Variants in PRUNE1 observed in about 807,000 individuals in gnomAD.
The protein encoded by PRUNE1 is exopolyphosphatase PRUNE1.
In PRUNE1, 25 loss-of-function variants were observed where a neutral mutation model predicts 42.5. The observed-to-expected ratio is 0.59, with a 90% CI of 0.43 to 0.82. PRUNE1 has a LOEUF of 0.82. Ranked by LOEUF, PRUNE1 falls within the 40% of genes least tolerant of loss-of-function variation. The pLI is 0.00. For synonymous variants in PRUNE1, 203 were observed against 217.1 expected (o/e 0.93, Z 0.57); for missense variants, 443 against 539.3 (o/e 0.82, Z 1.77).
intron 7 of PRUNE1, among the ~76,000 whole-genome samples, chr1:151,031,616 C>G (rs750818817): frequency 5.3e-5 from 8 of 152,164 alleles, no homozygotes; most frequent in Non-Finnish European, 8.8e-5. Context: ...TTGCTTCATG[C>G]AAATTATGAC....
At chr1:151,014,562 A>G (rs587604111) in intron 1 of PRUNE1, among the ~76,000 whole-genome samples, 1 of 152,362 alleles carries the variant, frequency 6.6e-6, no homozygotes, top group African/African-American at 2.4e-5. Context: ...TGTATAGGGA[A>G]GATGATTCTA....
chr1:151,015,943 A>C (rs977297928), intron 1 of PRUNE1, among the ~76,000 whole-genome samples: 1 of 152,118 alleles, frequency 6.6e-6, no homozygotes, highest in Non-Finnish European at 1.5e-5. Flanking sequence ...GCTGAGATAG[A>C]AGTTCAAAAG....
chr1:151,028,879 A>G lies in PRUNE1; in HGVS notation c.868A>G (p.Asn290Asp). The G allele has an allele frequency of 6.2e-7, 1 of 1,613,804 alleles. No individual in the cohort carries two copies. Among genetic ancestry groups the G allele is most frequent in the Non-Finnish European group, 8.5e-7 (1 of 1,179,834 alleles). Residue 290 changes from asparagine to aspartate, a missense_variant, in exon 7 of 8, where the codon AAC becomes GAC. Transcript: ENST00000271620. ...DVLVAMTIFFNTHNEPVRQLA... is the reference protein window; with the variant it reads ...DVLVAMTIFFDTHNEPVRQLA... ...CCTGGTTGCCATGACTATCTTTTTC[A>G]ACACTCACAATGAGCCAGTGCGGCA...
At chr1:151,011,994 G>A (rs1673799614) in intron 1 of PRUNE1, among the ~76,000 whole-genome samples, 1 of 151,958 alleles carries the variant, frequency 6.6e-6, no homozygotes, top group South Asian at 2.1e-4. Flanking sequence ...GGCCAGGATG[G>A]TCTCAATCTC....
chr1:151,025,085 A>G (rs1416635299), intron 4 of PRUNE1, among the ~76,000 whole-genome samples: 1 of 152,146 alleles, frequency 6.6e-6, no homozygotes, highest in Non-Finnish European at 1.5e-5. Context: ...ACAGATTCCA[A>G]TACCAATTCC....
rs11204762 is a variant in PRUNE1, at chr1:151,027,261, A to G, written c.708A>G (p.Lys236=). Residue 236 remains lysine (K), a synonymous_variant, in exon 6 of 8, where the codon AAA becomes AAG. Coordinates refer to ENST00000271620, the MANE Select transcript of PRUNE1 (RefSeq NM_021222.3). The part of the protein sequence containing the change: ...SGLTTEQMLR[K]DQKTIYRQGV... ...TGACCACTGAGCAGATGCTGAGAAA[A>G]GACCAGAAGACTATCTATAGACAAG... 389,750 of 1,607,318 alleles carry G rather than the reference A, an allele frequency of 0.24. 48,889 individuals carry two copies. Among genetic ancestry groups the G allele is most frequent in the East Asian group, 0.45 (20,009 of 44,766 alleles).
At chr1:151,025,844 G>C (rs899129114) in intron 5 of PRUNE1, among the ~76,000 whole-genome samples, 171 bp downstream of exon 5, 1 of 151,704 alleles carries the variant, frequency 6.6e-6, no homozygotes, top group Non-Finnish European at 1.5e-5. Flanking sequence ...GGGTTCAAGC[G>C]ATTCTCCTGC....
chr1:151,034,774 G>T lies in PRUNE1; in HGVS notation c.*540G>T. ...GACTTTTCTTTCTGCCACCATTTAG[G>T]TGATGGTGTTTGATTCAGAGATGGC... On this transcript the variant is annotated 3_prime_UTR_variant, in exon 8 of 8. Transcript: ENST00000271620. 6.3e-6 allele frequency: 1 copy of T among 159,070 alleles called. No homozygotes were observed. Among genetic ancestry groups the T allele is most frequent in the South Asian group, 1.8e-4 (1 of 5,674 alleles). The allele number at this position is 159,070 out of a possible 1,614,324, so 9.9% of individuals were successfully genotyped here. A position where few individuals can be genotyped will look rare whatever the true frequency, so the allele number is the denominator to read the frequency against.
intron 4 of PRUNE1, among the ~76,000 whole-genome samples, chr1:151,025,163 A>C (rs1315809136): frequency 6.6e-6 from 1 of 151,632 alleles, no homozygotes; most frequent in Admixed American, 6.6e-5. Context: ...ACTTGTAAAA[A>C]AAAAGAGAGA....
intron 1 of PRUNE1, among the ~76,000 whole-genome samples, chr1:151,016,824 C>T (rs1036756602): frequency 6.6e-6 from 1 of 150,524 alleles, no homozygotes; most frequent in African/African-American, 2.4e-5. Flanking sequence ...TTACTTTTAA[C>T]CTTTATTCTC....
At chr1:151,020,956 C>T (rs1169593352) in intron 3 of PRUNE1, among the ~76,000 whole-genome samples, 1 of 151,234 alleles carries the variant, frequency 6.6e-6, no homozygotes, top group Non-Finnish European at 1.5e-5. Context: ...GCACTCCAGC[C>T]TGGGCGACAG....
chr1:151,033,706 TAA>T, intron 7 of PRUNE1, 98 bp from the exon 8 acceptor site: 1 of 1,263,114 alleles, frequency 7.9e-7, no homozygotes, highest in Non-Finnish European at 1.1e-6. Flanking sequence ...ACTTACTTTT[TAA>T]AAGCTTCCTC....
At chr1:151,018,817 C>T (rs943501879) in intron 3 of PRUNE1, 148 bp downstream of exon 3, 9 of 646,506 alleles carry the variant, frequency 1.4e-5, no homozygotes, top group Middle Eastern at 3.3e-4. Flanking sequence ...CCAAGGCGGG[C>T]GGATCACCTG....
intron 3 of PRUNE1, among the ~76,000 whole-genome samples, chr1:151,020,388 G>A (rs1356404357): frequency 6.6e-6 from 1 of 151,630 alleles, no homozygotes; most frequent in Non-Finnish European, 1.5e-5. Context: ...TAGGAATTGA[G>A]GCTTCAGTAA....
rs1454422574 is a variant in PRUNE1 at position 151,034,084 on chromosome 1, C to G, written c.1212C>G (p.Asp404Glu). ...LISGLSQDEE[D>E]PPLPPTPMNS... ...CTGGCCTGAGTCAAGATGAGGAGGA[C>G]CCTCCGCTGCCCCCGACGCCCATGA... is the stretch of plus-strand genomic sequence containing the variant. The change falls in exon 8 of 8, where the codon GAC (aspartate) becomes GAG (glutamate). Residue 404 changes from aspartate (D) to glutamate (E), a missense_variant. By Grantham distance (45) the Asp-to-Glu change is conservative (BLOSUM62 2). Coordinates refer to ENST00000271620, the MANE Select transcript of PRUNE1 (RefSeq NM_021222.3). 2 of 1,614,176 alleles carry G rather than the reference C, an allele frequency of 1.2e-6. No individual in the cohort carries two copies. The highest frequency in any genetic ancestry group is 1.7e-6 in the Non-Finnish European group (2 of 1,180,034).
At chr1:151,027,438 T>A in intron 6 of PRUNE1, 111 bp downstream of exon 6, 1 of 733,524 alleles carries the variant, frequency 1.4e-6, no homozygotes, top group Non-Finnish European at 2.3e-6. Flanking sequence ...ATCTTGTGTC[T>A]ATCTTTGTCT....
rs894576970 is a variant in PRUNE1 at position 151,035,124 on chromosome 1, T to C, written c.*890T>C. 4 of 152,334 alleles carry C rather than the reference T, an allele frequency of 2.6e-5. No homozygotes were observed. The highest frequency in any genetic ancestry group is 7.2e-5 in the African/African-American group (3 of 41,584). The allele number at this position is 152,334 out of a possible 1,614,324, so 9.4% of individuals were successfully genotyped here. On this transcript the variant is annotated 3_prime_UTR_variant, in exon 8 of 8. Coordinates refer to ENST00000271620, the MANE Select transcript of PRUNE1 (RefSeq NM_021222.3). ...GAAGCATGGAGTTCTAATGCTCCCA[T>C]AAACTATGTATTTTGGCAAGACACT...
intron 1 of PRUNE1, among the ~76,000 whole-genome samples, chr1:151,009,144 C>T (rs771197): frequency 0.95 from 144,339 of 152,204 alleles, 68,920 homozygotes; most frequent in East Asian, 1. Flanking sequence ...TGCTCACGGC[C>T]TTATTTCCTC....
In PRUNE1 at chr1:151,017,989, G is replaced by GCA. The variant is rs1674206011; in HGVS notation, c.132+86_132+87dup. On this transcript the variant is annotated intron_variant, in intron 2 of 7. Transcript: ENST00000271620. ...CAAGACCCAGCTCTACCACTTACCA[G>GCA]CATTTAGCATTGGGTAAATTAAATC... 24 of 811,970 alleles carry GCA rather than the reference G, an allele frequency of 3.0e-5. No homozygotes were observed. The South Asian group carries it at 3.2e-4, about 11-fold the overall frequency. 50.3% of individuals were successfully genotyped at this position (811,970 alleles called of 1,614,324 possible).
Sources: gnomAD v4.1 joint callset for allele counts (sites outside exome capture counted in the v4.1 genomes callset) on GRCh38, gnomAD v4.1.1 for gene constraint, MANE v1.5 for transcripts, NCBI Gene and HGNC (gene_info 2026-07-23, HGNC 2026-07-21) for gene names.